The following NTM variants were observed in gnomAD, a reference collection of about 807,000 sequenced individuals.
NTM encodes the protein IgLON family member 2.
Under a neutral mutation model 42.1 loss-of-function variants are expected in NTM, and 13 were observed. The ratio of observed to expected loss-of-function variants is 0.31; its 90% CI spans 0.20 to 0.49. The LOEUF is 0.49. NTM is among the 20% of genes least tolerant of loss of function. The probability of loss-of-function intolerance (pLI) is 0.99; values close to 1 mark genes in which losing one functional copy is unlikely to be tolerated. For missense variants in NTM, 373 were observed against 452.8 expected (o/e 0.82, Z 1.60); for synonymous variants, 187 against 179.2 (o/e 1.04, Z -0.35).
chr11:131,529,619 C>CA (rs1470070978), intron 1 of NTM, among the ~76,000 whole-genome samples: 1 of 152,090 alleles, frequency 6.6e-6, no homozygotes, highest in African/African-American at 2.4e-5. Context: ...CAACTGAAAT[C>CA]AAGGCTGCTC....
intron 4 of NTM, among the ~76,000 whole-genome samples, chr11:132,282,609 T>C (rs1002981682): frequency 2.0e-5 from 3 of 152,204 alleles, no homozygotes; most frequent in Non-Finnish European, 4.4e-5. Flanking sequence ...TGAAACATCA[T>C]TAATTCCAAC....
intron 2 of NTM, among the ~76,000 whole-genome samples, chr11:132,040,267 CTTA>C (rs1041632858): frequency 1.1e-3 from 175 of 152,184 alleles, no homozygotes; most frequent in African/African-American, 4.1e-3. Context: ...ATTATAGTTG[CTTA>C]TTATTATTTC....
rs1043327668 is a variant in NTM at position 132,335,501 on chromosome 11, G to A, written c.*355G>A. 7.1e-5 allele frequency: 18 copies of A among 251,886 alleles called. No homozygotes were observed. The highest frequency in any genetic ancestry group is 1.1e-4 in the Admixed American group (2 of 18,474). The allele number at this position is 251,886 out of a possible 1,614,324, so 15.6% of individuals were successfully genotyped here. A position where few individuals can be genotyped will look rare whatever the true frequency, so the allele number is the denominator to read the frequency against. The stretch of plus-strand genomic sequence containing the variant: ...CTCTCTGCCCACAGAGTGCCCCCAC[G>A]TGGAACATTCTGGAGCTGGCCATCC... On this transcript the variant is annotated 3_prime_UTR_variant, in exon 9 of 9. Transcript: ENST00000683400.
At chr11:132,160,959 C>A (rs1420067180) in intron 3 of NTM, among the ~76,000 whole-genome samples, 1 of 152,144 alleles carries the variant, frequency 6.6e-6, no homozygotes, top group Non-Finnish European at 1.5e-5. Flanking sequence ...CCGGTGACTT[C>A]GGGATATTTC....
At chr11:131,899,779 T>A (rs1213240804) in intron 1 of NTM, among the ~76,000 whole-genome samples, 1 of 126,054 alleles carries the variant, frequency 7.9e-6, no homozygotes. Flanking sequence ...TTCTTAAGAG[T>A]TTTTTTATTT....
chr11:132,277,331 G>T (rs762437551), intron 4 of NTM, among the ~76,000 whole-genome samples: 11 of 152,120 alleles, frequency 7.2e-5, no homozygotes, highest in Non-Finnish European at 1.0e-4. Flanking sequence ...TCTAAGAAAA[G>T]GTTGCTTCAA....
At chr11:131,691,558 G>GCA (rs1555086532) in intron 1 of NTM, among the ~76,000 whole-genome samples, 5 of 143,096 alleles carry the variant, frequency 3.5e-5, no homozygotes, top group African/African-American at 1.5e-4. Flanking sequence ...TTCCCTGAAA[G>GCA]CCCCCCCCCG....
At chr11:131,824,673 T>A (rs929639840) in intron 1 of NTM, among the ~76,000 whole-genome samples, 2 of 152,212 alleles carry the variant, frequency 1.3e-5, no homozygotes, top group Non-Finnish European at 2.9e-5. Context: ...AAAGAATGAC[T>A]TGAGTGATAC....
chr11:131,582,282 G>A (rs990710149), intron 1 of NTM: 2 of 152,142 alleles, frequency 1.3e-5, no homozygotes, highest in African/African-American at 2.4e-5. Context: ...TCGAATCTAC[G>A]CCGACTGGCA....
intron 2 of NTM, among the ~76,000 whole-genome samples, chr11:132,101,527 G>A (rs1159144629): frequency 1.3e-5 from 2 of 150,274 alleles, no homozygotes; most frequent in Middle Eastern, 3.2e-3. Flanking sequence ...GCTAAATAAG[G>A]GAGTTTGGAT....
intron 1 of NTM, among the ~76,000 whole-genome samples, chr11:131,531,116 G>A (rs962303676): frequency 2.0e-5 from 3 of 152,182 alleles, no homozygotes; most frequent in Non-Finnish European, 4.4e-5. Flanking sequence ...CAAGACCAAG[G>A]CTCCACTGCC....
intron 1 of NTM, among the ~76,000 whole-genome samples, chr11:131,515,690 A>G (rs1194325828): frequency 6.6e-6 from 1 of 152,236 alleles, no homozygotes; most frequent in Non-Finnish European, 1.5e-5. Context: ...ACTCACATGT[A>G]ATAAACTTAC....
chr11:131,967,964 A>G (rs554134610), intron 2 of NTM, among the ~76,000 whole-genome samples: 2 of 152,306 alleles, frequency 1.3e-5, no homozygotes, highest in African/African-American at 4.8e-5. Context: ...CTCCTCCCCA[A>G]AGTCCCTTGA....
At chr11:131,789,494 A>AAGAAG (rs1555127409) in intron 1 of NTM, among the ~76,000 whole-genome samples, 1 of 3,860 alleles carries the variant, frequency 2.6e-4, no homozygotes, top group African/African-American at 1.1e-3. Flanking sequence ...GAAGAAGAGG[A>AAGAAG]AAGAAGAAGA....
chr11:132,191,000 GA>G (rs2079227275), intron 3 of NTM, among the ~76,000 whole-genome samples: 1 of 152,124 alleles, frequency 6.6e-6, no homozygotes, highest in African/African-American at 2.4e-5. Flanking sequence ...GTACAGAGTG[GA>G]ATGTCCGTGC....
chr11:131,982,567 G>A (rs2065419444), intron 2 of NTM, among the ~76,000 whole-genome samples: 1 of 152,106 alleles, frequency 6.6e-6, no homozygotes, highest in African/African-American at 2.4e-5. Flanking sequence ...GAGTTTCTGG[G>A]TCTGTCCCGT....
intron 1 of NTM, among the ~76,000 whole-genome samples, chr11:131,778,167 T>G (rs1380882679): frequency 6.6e-6 from 1 of 152,180 alleles, no homozygotes; most frequent in Non-Finnish European, 1.5e-5. Flanking sequence ...AATCCCAATA[T>G]CCAGATGGGT....
At chr11:131,597,266 G>A (rs539000337) in intron 1 of NTM, among the ~76,000 whole-genome samples, 1 of 152,244 alleles carries the variant, frequency 6.6e-6, no homozygotes, top group South Asian at 2.1e-4. Context: ...GGAGGTTCAA[G>A]CTGTCTGTGG....
At chr11:131,946,098 C>T (rs188435523) in intron 2 of NTM, among the ~76,000 whole-genome samples, 3 of 152,068 alleles carry the variant, frequency 2.0e-5, no homozygotes, top group African/African-American at 2.4e-5. Context: ...AAAGCGATCC[C>T]GGAAATCTGG....
Sources: gnomAD v4.1 joint callset for allele counts (sites outside exome capture counted in the v4.1 genomes callset) on GRCh38, gnomAD v4.1.1 for gene constraint, MANE v1.5 for transcripts, NCBI Gene and HGNC (gene_info 2026-07-23, HGNC 2026-07-21) for gene names.